Variants in FCHSD2 observed in about 807,000 individuals in gnomAD.
FCHSD2 encodes the protein FCH and double SH3 domains 2.
Under a neutral mutation model 108.1 loss-of-function variants are expected in FCHSD2, and 38 were observed. The observed-to-expected ratio is 0.35, with a 90% confidence interval of 0.27 to 0.46. The LOEUF (loss-of-function observed/expected upper bound fraction) is 0.46, where lower values mean the gene tolerates loss of function less well. FCHSD2 is among the 20% of genes least tolerant of loss of function. The probability of loss-of-function intolerance (pLI) is 1.00; values close to 1 mark genes in which losing one functional copy is unlikely to be tolerated. For missense variants in FCHSD2, 751 were observed against 897.8 expected, an observed-to-expected ratio of 0.84 and a Z score of 2.09; for synonymous variants, 279 against 314.7, an observed-to-expected ratio of 0.89 and a Z score of 1.20.
chr11:72,982,863 T>C (rs1857239288), intron 8 of FCHSD2, among the ~76,000 whole-genome samples: 3 of 152,150 alleles, frequency 2.0e-5, no homozygotes, highest in African/African-American at 7.2e-5. Flanking sequence ...TCTAAGTTTT[T>C]TTAGAAATAA....
intron 13 of FCHSD2, among the ~76,000 whole-genome samples, chr11:72,858,275 C>T (rs1240231910): frequency 6.6e-6 from 1 of 152,130 alleles, no homozygotes; most frequent in Non-Finnish European, 1.5e-5. Flanking sequence ...ATGATGTTAA[C>T]CAAAGGAATA....
chr11:72,886,514 C>G (rs893949186), intron 12 of FCHSD2, among the ~76,000 whole-genome samples: 3 of 152,178 alleles, frequency 2.0e-5, no homozygotes, highest in African/African-American at 7.2e-5. Flanking sequence ...TTATGCTTTA[C>G]CATCTTAGTG....
chr11:72,989,465 T>C (rs929012401), intron 5 of FCHSD2, among the ~76,000 whole-genome samples: 1 of 152,152 alleles, frequency 6.6e-6, no homozygotes, highest in African/African-American at 2.4e-5. Flanking sequence ...TTCCCCATAA[T>C]CTTAACAAAG....
At chr11:72,914,963 ATTTTTT>A (rs144998272) in intron 9 of FCHSD2, among the ~76,000 whole-genome samples, 4 of 120,468 alleles carry the variant, frequency 3.3e-5, no homozygotes, top group Admixed American at 9.4e-5. Context: ...CAGAATGGGA[ATTTTTT>A]TTTTTTTTTT....
intron 13 of FCHSD2, among the ~76,000 whole-genome samples, chr11:72,861,766 C>A (rs894713256): frequency 3.9e-5 from 6 of 151,998 alleles, no homozygotes; most frequent in Non-Finnish European, 7.4e-5. Flanking sequence ...CCTATCTCTA[C>A]TAAAAAAATA....
chr11:73,069,171 CGTGGTG>C (rs1396052648), intron 3 of FCHSD2, among the ~76,000 whole-genome samples: 1 of 141,630 alleles, frequency 7.1e-6, no homozygotes. Flanking sequence ...ATTAGCCAGG[CGTGGTG>C]GCATGCACCT....
intron 14 of FCHSD2, among the ~76,000 whole-genome samples, chr11:72,848,159 A>G (rs745343898): frequency 3.3e-5 from 5 of 152,168 alleles, no homozygotes; most frequent in African/African-American, 7.2e-5. Context: ...TAAAAGTCCA[A>G]TCTGATTTCA....
At chr11:72,851,140 C>T (rs1222316831) in intron 13 of FCHSD2, among the ~76,000 whole-genome samples, 3 of 144,144 alleles carry the variant, frequency 2.1e-5, no homozygotes, top group Non-Finnish European at 4.5e-5. Flanking sequence ...CTAAGTGCTA[C>T]CAAGGATGTG....
chr11:72,988,691 A>G (rs2135404091), intron 6 of FCHSD2, among the ~76,000 whole-genome samples: 1 of 152,310 alleles, frequency 6.6e-6, no homozygotes, highest in Middle Eastern at 3.4e-3. Flanking sequence ...ATAAGCTTTC[A>G]AGTCTGTAAA....
chr11:73,101,938 A>G (rs1245324773), intron 2 of FCHSD2, among the ~76,000 whole-genome samples: 2 of 152,200 alleles, frequency 1.3e-5, no homozygotes. Context: ...GAATTGGCTC[A>G]CAAGATTATG....
intron 6 of FCHSD2, among the ~76,000 whole-genome samples, chr11:72,986,044 CA>C (rs1857304321): frequency 6.6e-6 from 1 of 152,114 alleles, no homozygotes; most frequent in Admixed American, 6.5e-5. Flanking sequence ...TTTGCAAAGC[CA>C]GTGTGAAGAG....
At chr11:72,947,725 G>T (rs372733176) in intron 8 of FCHSD2, among the ~76,000 whole-genome samples, 16 of 53,424 alleles carry the variant, frequency 3.0e-4, no homozygotes, top group African/African-American at 1.0e-3. Flanking sequence ...AAAATCATTA[G>T]TTAAAAAAAA....
rs79305492 is a variant in FCHSD2 at position 72,848,815 on chromosome 11, A to T, written c.1443+940T>A. Among the ~76,000 whole-genome samples, 13 of 152,276 alleles carry T rather than the reference A, an allele frequency of 8.5e-5. No individual in the cohort carries two copies. The East Asian group carries it at 2.5e-3, about 29-fold the overall frequency. Reference sequence around the variant, plus strand: ...AGTTCTGGGACGTTCAAGTAAATATAATGGGAGGTGGTATCAGGAAACAAT... The same window carrying T: ...AGTTCTGGGACGTTCAAGTAAATATTATGGGAGGTGGTATCAGGAAACAAT... On this transcript the variant is annotated intron_variant, in intron 14 of 19. Coordinates refer to ENST00000409418, the MANE Select transcript of FCHSD2 (RefSeq NM_014824.3).
intron 3 of FCHSD2, among the ~76,000 whole-genome samples, chr11:73,066,904 C>T (rs763127622): frequency 1.3e-5 from 2 of 152,162 alleles, no homozygotes; most frequent in African/African-American, 2.4e-5. Context: ...ATTACTTCAA[C>T]CATTGTGGAA....
intron 5 of FCHSD2, among the ~76,000 whole-genome samples, chr11:72,989,302 T>G (rs1857367239): frequency 6.6e-6 from 1 of 152,190 alleles, no homozygotes; most frequent in African/African-American, 2.4e-5. Flanking sequence ...TCAAACAGTG[T>G]CACAGTTTGC....
chr11:73,080,948 CA>C (rs1293538399), intron 3 of FCHSD2, among the ~76,000 whole-genome samples: 1 of 147,906 alleles, frequency 6.8e-6, no homozygotes, highest in African/African-American at 2.5e-5. Context: ...GACTCTGTCT[CA>C]AAAAAACAAC....
chr11:72,940,492 G>A (rs1591418136), intron 8 of FCHSD2: 1 of 746,258 alleles, frequency 1.3e-6, no homozygotes, highest in East Asian at 2.4e-5. Flanking sequence ...CATCAGGTAA[G>A]CCAAGATGGG....
chr11:72,952,699 A>G (rs1011335299), intron 8 of FCHSD2, among the ~76,000 whole-genome samples: 1 of 152,188 alleles, frequency 6.6e-6, no homozygotes, highest in Admixed American at 6.5e-5. Context: ...ATTAAGTTAT[A>G]TGGATTAGTG....
intron 1 of FCHSD2, among the ~76,000 whole-genome samples, chr11:73,140,909 GT>G (rs1861230933): frequency 6.6e-6 from 1 of 152,200 alleles, no homozygotes; most frequent in African/African-American, 2.4e-5. Context: ...GGGGGTACAT[GT>G]TCGAAAGAAA....
Sources: allele counts gnomAD v4.1 joint callset (sites outside exome capture counted in the v4.1 genomes callset), GRCh38; gene constraint gnomAD v4.1.1; transcripts MANE v1.5; gene names NCBI Gene and HGNC (gene_info 2026-07-23, HGNC 2026-07-21).